Variants in DCDC2C observed in about 807,000 individuals in gnomAD.
DCDC2C encodes doublecortin domain containing 2C, also known as doublecortin domain-containing protein 2C.
Under a neutral mutation model 45.0 loss-of-function variants are expected in DCDC2C, and 44 were observed. That is an observed-to-expected ratio of 0.98 (90% CI 0.77 to 1.26). The LOEUF is 1.26. Among genes scored for constraint, DCDC2C ranks in the 50% most tolerant of loss-of-function variants. DCDC2C has a pLI of 0.00. For synonymous variants in DCDC2C, 187 were observed against 178.8 expected, an observed-to-expected ratio of 1.05 and a Z score of -0.37; for missense variants, 447 against 468.9, an observed-to-expected ratio of 0.95 and a Z score of 0.43.
chr2:3,838,359 G>T (rs1672130731), intron 10 of DCDC2C, among the ~76,000 whole-genome samples: 1 of 152,052 alleles, frequency 6.6e-6, no homozygotes, highest in Non-Finnish European at 1.5e-5. Flanking sequence ...GTGGTAAGGA[G>T]CAGGATCATC....
chr2:3,814,241 G>C (rs1377275098), intron 10 of DCDC2C, among the ~76,000 whole-genome samples: 1 of 151,828 alleles, frequency 6.6e-6, no homozygotes, highest in Non-Finnish European at 1.5e-5. Context: ...TTTTTCTCTA[G>C]TCTTGTCTGC....
At chr2:3,736,824 G>A (rs1295529362) in intron 3 of DCDC2C, among the ~76,000 whole-genome samples, 2 of 152,142 alleles carry the variant, frequency 1.3e-5, no homozygotes, top group Non-Finnish European at 2.9e-5. Context: ...TTTTCTTTCA[G>A]GTTGTCTCAA....
At chr2:3,755,472 CAT>C (rs1491082983) in intron 6 of DCDC2C, among the ~76,000 whole-genome samples, 26 of 152,176 alleles carry the variant, frequency 1.7e-4, no homozygotes, top group African/African-American at 6.0e-4. Flanking sequence ...TGTATGGAGA[CAT>C]GTGTGCATGT....
At chr2:3,740,811 A>C (rs567672490) in intron 3 of DCDC2C, among the ~76,000 whole-genome samples, 13 of 152,132 alleles carry the variant, frequency 8.5e-5, no homozygotes, top group African/African-American at 2.9e-4. Context: ...AAACATATTA[A>C]ATTAAGATTT....
chr2:3,718,621 AG>A (rs1468754677), intron 2 of DCDC2C, among the ~76,000 whole-genome samples: 2 of 152,182 alleles, frequency 1.3e-5, no homozygotes, highest in East Asian at 1.9e-4. Flanking sequence ...AGCATACAAA[AG>A]ATGGGGGTCT....
intron 3 of DCDC2C, among the ~76,000 whole-genome samples, chr2:3,731,922 G>T (rs527424493): frequency 1.3e-5 from 2 of 152,256 alleles, no homozygotes; most frequent in South Asian, 4.2e-4. Flanking sequence ...TTCCTGTCAG[G>T]ACCATATGTA....
intron 10 of DCDC2C, among the ~76,000 whole-genome samples, chr2:3,846,150 C>T (rs769544846): frequency 5.9e-5 from 9 of 151,950 alleles, no homozygotes; most frequent in Non-Finnish European, 1.0e-4. Context: ...TCTTCCTCCT[C>T]CTCCTCCTAC....
chr2:3,838,218 C>T (rs1345619986), intron 10 of DCDC2C, among the ~76,000 whole-genome samples: 2 of 151,640 alleles, frequency 1.3e-5, no homozygotes, highest in African/African-American at 4.8e-5. Context: ...GGTGGCAGGG[C>T]TGGTGGCATA....
chr2:3,787,210 C>A (rs1670679466), intron 10 of DCDC2C, among the ~76,000 whole-genome samples: 1 of 152,182 alleles, frequency 6.6e-6, no homozygotes, highest in Admixed American at 6.5e-5. Flanking sequence ...ACTTGTTTGG[C>A]ACACAGGTTA....
rs1261020692 is a variant in DCDC2C at position 3,761,243 on chromosome 2, A to G, written c.727-6511A>G. On this transcript the variant is annotated intron_variant, in intron 6 of 10. Coordinates refer to ENST00000399143, the MANE Select transcript of DCDC2C (RefSeq NM_001287444.2). This position sits in a 1 kb window ranked among gnomAD's most constrained non-coding sequence, Gnocchi z 4.3. Reference sequence around the variant, plus strand: ...TCAGGCTTCTGTGAAAAATCAGTAAATAGTTAATAAGCATTGTATTTATAT... The same window carrying G: ...TCAGGCTTCTGTGAAAAATCAGTAAGTAGTTAATAAGCATTGTATTTATAT... Among the ~76,000 whole-genome samples the G allele has an allele frequency of 6.6e-6, 1 of 152,248 alleles. No individual in the cohort carries two copies. The highest frequency in any genetic ancestry group is 1.5e-5 in the Non-Finnish European group (1 of 68,036).
intron 10 of DCDC2C, among the ~76,000 whole-genome samples, chr2:3,797,114 A>G (rs1670978756): frequency 6.6e-6 from 1 of 152,182 alleles, no homozygotes; most frequent in Non-Finnish European, 1.5e-5. Flanking sequence ...GTATGTGTCG[A>G]GGAATTTATC....
At chr2:3,765,250 A>T (rs1285661542) in intron 6 of DCDC2C, among the ~76,000 whole-genome samples, 1 of 152,164 alleles carries the variant, frequency 6.6e-6, no homozygotes, top group Non-Finnish European at 1.5e-5. Context: ...ATCAGCAGAG[A>T]TTTACTGAGC....
In DCDC2C at chr2:3,733,981, T is replaced by G. The variant is rs1668948314; in HGVS notation, c.416+6902T>G. ...AGTTTGGCATATTTATTAACCCACT[T>G]ATTTTCCCAAGTGTCATCTGATTTC... is the stretch of plus-strand genomic sequence containing the variant. On this transcript the variant is annotated intron_variant, in intron 3 of 10. Transcript: ENST00000399143. Among the ~76,000 whole-genome samples the G allele has an allele frequency of 2.0e-5, 3 of 152,200 alleles. No homozygotes were observed. The South Asian group carries it at 6.2e-4, about 32-fold the overall frequency.
intron 9 of DCDC2C, among the ~76,000 whole-genome samples, chr2:3,784,646 ATTAAC>A (rs1186969415): frequency 6.6e-6 from 1 of 152,126 alleles, no homozygotes; most frequent in African/African-American, 2.4e-5. Context: ...GGGTTGGTTG[ATTAAC>A]TTATGTTTTA....
intron 9 of DCDC2C, among the ~76,000 whole-genome samples, 179 bp downstream of exon 9, chr2:3,779,063 G>A (rs1670436579): frequency 1.3e-5 from 2 of 151,960 alleles, no homozygotes; most frequent in African/African-American, 4.9e-5. Context: ...CGGGTTTCCT[G>A]TGCCAGTCAA....
At chr2:3,731,268 T>A (rs357948) in intron 3 of DCDC2C, among the ~76,000 whole-genome samples, 3 of 152,168 alleles carry the variant, frequency 2.0e-5, no homozygotes, top group Admixed American at 6.5e-5. Context: ...TCCCATCCAC[T>A]AATGCTTGGT....
chr2:3,800,374 CGGCCATCTT>C (rs541192056), intron 10 of DCDC2C, among the ~76,000 whole-genome samples: 15 of 152,192 alleles, frequency 9.9e-5, no homozygotes, highest in Admixed American at 2.0e-4. Context: ...TGTTCCTATT[CGGCCATCTT>C]GGCTCCTCCC....
intron 10 of DCDC2C, among the ~76,000 whole-genome samples, chr2:3,846,125 CCCT>C (rs1672321675): frequency 6.6e-6 from 1 of 151,966 alleles, no homozygotes; most frequent in South Asian, 2.1e-4. Context: ...CTCCCTCCTT[CCCT>C]CCTCGTCCTC....
Position 3,752,880 on chromosome 2 carries a change from G to A in DCDC2C, c.663G>A (p.Arg221=). Residue 221 remains arginine (R), a synonymous_variant, in exon 5 of 11, where the codon AGG becomes AGA. Transcript: ENST00000399143. The part of the protein sequence containing the change: ...FKYFPYWKSP[R]VPSEVQQRYA... Reference sequence around the variant, plus strand: ...ATTTTCCTTACTGGAAGTCTCCAAGGGTGCCCAGTGAGGTCCAACAGTGAG... The same window carrying A: ...ATTTTCCTTACTGGAAGTCTCCAAGAGTGCCCAGTGAGGTCCAACAGTGAG... 6.4e-7 allele frequency: 1 copy of A among 1,550,484 alleles called. No homozygotes were observed.
Sources: allele counts gnomAD v4.1 joint callset (sites outside exome capture counted in the v4.1 genomes callset), GRCh38; gene constraint gnomAD v4.1.1; non-coding constraint Gnocchi (gnomAD v3.1); transcripts MANE v1.5; gene names NCBI Gene and HGNC (gene_info 2026-07-23, HGNC 2026-07-21).